The following SRSF4 variants were observed in gnomAD, a reference collection of about 807,000 sequenced individuals.
SRSF4 encodes serine and arginine rich splicing factor 4.
A neutral mutation model predicts 48.8 loss-of-function variants in SRSF4; 12 were observed. The ratio of observed to expected loss-of-function variants is 0.25; its 90% CI spans 0.16 to 0.40. SRSF4 has a LOEUF of 0.40. Among genes scored for constraint, SRSF4 ranks in the 10% least tolerant of loss-of-function variants. SRSF4 has a pLI of 1.00. For synonymous variants in SRSF4, 248 were observed against 232.5 expected, an observed-to-expected ratio of 1.07 and a Z score of -0.61; for missense variants, 466 against 667.1, an observed-to-expected ratio of 0.70 and a Z score of 3.32.
intron 1 of SRSF4, chr1:29,165,974 GT>G (rs972691273): frequency 9.2e-5 from 14 of 152,232 alleles, no homozygotes; most frequent in Middle Eastern, 3.2e-3. Flanking sequence ...TGTGAGTTTT[GT>G]TTTCACAATG....
chr1:29,173,466 C>CTTTTT, intron 1 of SRSF4: 1 of 73,070 alleles, frequency 1.4e-5, no homozygotes, highest in Non-Finnish European at 2.6e-5. Context: ...TTTTTTTTTT[C>CTTTTT]TTTTTTTTTT....
At chr1:29,162,042 A>G (rs1672605061) in intron 1 of SRSF4, among the ~76,000 whole-genome samples, 3 of 152,294 alleles carry the variant, frequency 2.0e-5, no homozygotes, top group African/African-American at 7.2e-5. Context: ...TGTAGGTAAC[A>G]ACGTTGGAGG....
At chr1:29,162,125 G>T (rs1405133908) in intron 1 of SRSF4, among the ~76,000 whole-genome samples, 1 of 152,052 alleles carries the variant, frequency 6.6e-6, no homozygotes, top group African/African-American at 2.4e-5. Context: ...AGACACACCC[G>T]GTTATTTAAC....
rs1400028890 is a variant in SRSF4, at chr1:29,181,810, C to A, written c.-58G>T. On this transcript the variant is annotated 5_prime_UTR_variant, in exon 1 of 6. Coordinates refer to ENST00000373795, the MANE Select transcript of SRSF4 (RefSeq NM_005626.5). Reference sequence around the variant, plus strand: ...CCAGCCCCCCTTAGGCGGCGGCGGGCAAAGCGAGAGCACGGCGGCAGCGGC... The same window carrying A: ...CCAGCCCCCCTTAGGCGGCGGCGGGAAAAGCGAGAGCACGGCGGCAGCGGC... 4 of 1,436,304 alleles carry A rather than the reference C, an allele frequency of 2.8e-6. No homozygotes were observed. The highest frequency in any genetic ancestry group is 2.9e-5 in the African/African-American group (2 of 68,144). The allele number at this position is 1,436,304 out of a possible 1,614,324, so 89.0% of individuals were successfully genotyped here. A position where few individuals can be genotyped will look rare whatever the true frequency, so the allele number is the denominator to read the frequency against.
At chr1:29,171,112 T>C (rs1310288320) in intron 1 of SRSF4, 1 of 152,144 alleles carries the variant, frequency 6.6e-6, no homozygotes, top group Non-Finnish European at 1.5e-5. Context: ...GAACATTTAC[T>C]TGTACAAATC....
At chr1:29,154,000 G>A (rs1302350674) in intron 4 of SRSF4, among the ~76,000 whole-genome samples, 2 of 151,684 alleles carry the variant, frequency 1.3e-5, no homozygotes, top group African/African-American at 4.8e-5. Flanking sequence ...GGGTTCAAGC[G>A]ATTCCCATGC....
Position 29,162,654 on chromosome 1 carries a change from G to A in SRSF4, c.108-2137C>T, listed in dbSNP as rs553232930. On this transcript the variant is annotated intron_variant, in intron 1 of 5. Coordinates refer to ENST00000373795, the MANE Select transcript of SRSF4 (RefSeq NM_005626.5). Reference sequence around the variant, plus strand: ...GGGAGGAGGGACATTTGGCCTGGGCGTGATGGAATGGCCTCCACTCCCTTC... The same window carrying A: ...GGGAGGAGGGACATTTGGCCTGGGCATGATGGAATGGCCTCCACTCCCTTC... Among the ~76,000 whole-genome samples, 49 of 152,324 alleles carry A rather than the reference G, an allele frequency of 3.2e-4. No homozygotes were observed. In the South Asian group the frequency reaches 9.5e-3, roughly 30 times the overall value.
intron 1 of SRSF4, among the ~76,000 whole-genome samples, chr1:29,179,026 G>C (rs1558395062): frequency 6.6e-6 from 1 of 152,054 alleles, no homozygotes; most frequent in Non-Finnish European, 1.5e-5. Context: ...CAGCATAACT[G>C]TAAGAATGAA....
chr1:29,160,417 C>A lies in SRSF4; in HGVS notation c.208G>T (p.Ala70Ser). 1 of 1,613,908 alleles carries A rather than the reference C, an allele frequency of 6.2e-7. No homozygotes were observed. The highest frequency in any genetic ancestry group is 8.5e-7 in the Non-Finnish European group (1 of 1,179,946). ...CTGCCATCTCGCCGTGGGCCGCGGG[C>A]ATGCTCAACAATTACTCGCTCACCA... ...LCGERVIVEH[A>S]RGPRRDGSYG... The change falls in exon 2 of 6, where the codon GCC becomes TCC. Residue 70 changes from alanine to serine, a missense_variant. Physicochemically the swap from Ala to Ser is moderately conservative, Grantham distance 99 (BLOSUM62 1). Transcript: ENST00000373795.
Position 29,150,097 on chromosome 1 carries a change from A to C in SRSF4, c.668+6T>G. The C allele has an allele frequency of 6.5e-7, 1 of 1,533,620 alleles. No homozygotes were observed. The highest frequency in any genetic ancestry group is 8.8e-7 in the Non-Finnish European group (1 of 1,140,570). ...ACCACCTCTACTTATAACATGGAAG[A>C]CATACCTGGACCGAGATCTACTCTT... On this transcript the variant is annotated splice_donor_region_variant and intron_variant, in intron 5 of 5. Coordinates refer to ENST00000373795, the MANE Select transcript of SRSF4 (RefSeq NM_005626.5).
intron 1 of SRSF4, among the ~76,000 whole-genome samples, chr1:29,165,252 AATTAC>A (rs1574197058): frequency 6.6e-6 from 1 of 152,328 alleles, no homozygotes; most frequent in East Asian, 1.9e-4. Context: ...AGCCACACTG[AATTAC>A]ATGGGCTGCT....
rs758556244 is a variant in SRSF4 at position 29,149,116 on chromosome 1, TGGCTGC to T, written c.773_778del (p.Arg258_Ser259del). The T allele has an allele frequency of 1.2e-6, 2 of 1,610,930 alleles. No homozygotes were observed. The highest frequency in any genetic ancestry group is 1.7e-5 in the Admixed American group (1 of 59,852). On this transcript the variant is annotated inframe_deletion, in exon 6 of 6. Transcript: ENST00000373795. ...CTTGCTGCGGCTCTTGCCAGCGCTA[TGGCTGC>T]GGCTGCGGCTCTTTTCCTTGCTGGG...
At chr1:29,151,058 CA>C (rs1375472042) in intron 4 of SRSF4, among the ~76,000 whole-genome samples, 1 of 152,064 alleles carries the variant, frequency 6.6e-6, no homozygotes, top group Non-Finnish European at 1.5e-5. Flanking sequence ...TATTTTCTAC[CA>C]ACCAGGACTC....
chr1:29,179,045 T>TA (rs1304356501), intron 1 of SRSF4, among the ~76,000 whole-genome samples: 2 of 152,172 alleles, frequency 1.3e-5, no homozygotes, highest in Non-Finnish European at 2.9e-5. Flanking sequence ...AACAGTTCCT[T>TA]AAAAAAACCA....
chr1:29,166,572 A>G (rs1031300548), intron 1 of SRSF4, among the ~76,000 whole-genome samples: 3 of 152,256 alleles, frequency 2.0e-5, no homozygotes, highest in Non-Finnish European at 4.4e-5. Context: ...AGGGTTGTTT[A>G]CAACCCACAA....
chr1:29,178,192 G>T (rs1672898507), intron 1 of SRSF4, among the ~76,000 whole-genome samples: 1 of 151,834 alleles, frequency 6.6e-6, no homozygotes, highest in Admixed American at 6.6e-5. Flanking sequence ...GAGCCACCGT[G>T]ACCGGTCTAG....
At chr1:29,158,790 C>A (rs1672544671) in intron 3 of SRSF4, among the ~76,000 whole-genome samples, 1 of 152,122 alleles carries the variant, frequency 6.6e-6, no homozygotes, top group Non-Finnish European at 1.5e-5. Flanking sequence ...CATGATTGTG[C>A]CTCTGCACTC....
intron 1 of SRSF4, among the ~76,000 whole-genome samples, chr1:29,162,549 T>C (rs1057060228): frequency 6.6e-6 from 1 of 152,216 alleles, no homozygotes; most frequent in Admixed American, 6.5e-5. Flanking sequence ...CTGAATTTAA[T>C]TGTCAAGACC....
At chr1:29,181,152 A>T (rs891750163) in intron 1 of SRSF4, among the ~76,000 whole-genome samples, 3 of 152,238 alleles carry the variant, frequency 2.0e-5, no homozygotes, top group African/African-American at 7.2e-5. Context: ...ACGGCTAAAA[A>T]GGGCCTCCCT....
Sources: gnomAD v4.1 joint callset for allele counts (sites outside exome capture counted in the v4.1 genomes callset) on GRCh38, gnomAD v4.1.1 for gene constraint, MANE v1.5 for transcripts, NCBI Gene and HGNC (gene_info 2026-07-23, HGNC 2026-07-21) for gene names.